ADGB: variants seen among roughly 807,000 people sequenced by gnomAD.
The protein encoded by ADGB is androglobin, also known as calpain-7-like protein.
In ADGB, 172 loss-of-function variants were observed where a neutral mutation model predicts 210.5. The ratio of observed to expected loss-of-function variants is 0.82; its 90% CI spans 0.72 to 0.93. ADGB has a LOEUF of 0.93. ADGB is among the 40% of genes least tolerant of loss of function. ADGB has a pLI of 0.00. For synonymous variants in ADGB, 658 were observed against 662.7 expected (o/e 0.99, Z 0.11); for missense variants, 2,025 against 1,964.8 (o/e 1.03, Z -0.58).
At chr6:146,715,308 CT>C in intron 13 of ADGB, 73 bp from the exon 14 acceptor site, 1 of 1,206,242 alleles carries the variant, frequency 8.3e-7, no homozygotes, top group Non-Finnish European at 1.2e-6. Flanking sequence ...TATATTAGCT[CT>C]TTTAGTAACT....
At chr6:146,650,835 C>T (rs1775691575) in intron 3 of ADGB, among the ~76,000 whole-genome samples, 1 of 152,018 alleles carries the variant, frequency 6.6e-6, no homozygotes, top group Admixed American at 6.6e-5. Context: ...CAAACTAATC[C>T]CTGAAAGGGG....
At chr6:146,620,015 C>T (rs1444906941) in intron 1 of ADGB, among the ~76,000 whole-genome samples, 1 of 152,034 alleles carries the variant, frequency 6.6e-6, no homozygotes, top group Non-Finnish European at 1.5e-5. Flanking sequence ...TTTATCTCTC[C>T]TTTGAGTTTG....
At chr6:146,784,353 A>G (rs1777842411) in intron 30 of ADGB, among the ~76,000 whole-genome samples, 1 of 152,154 alleles carries the variant, frequency 6.6e-6, no homozygotes, top group Non-Finnish European at 1.5e-5. Context: ...ATAGTTTATT[A>G]CTTTTTAATA....
chr6:146,768,862 G>A (rs184494138), intron 28 of ADGB, among the ~76,000 whole-genome samples, 158 bp from the exon 29 acceptor site: 296 of 152,228 alleles, frequency 1.9e-3, no homozygotes, highest in African/African-American at 6.3e-3. Flanking sequence ...AAAGTGTAGC[G>A]TTACAGAGTT....
intron 33 of ADGB, among the ~76,000 whole-genome samples, chr6:146,796,487 C>A (rs62434395): frequency 4.6e-5 from 7 of 152,122 alleles, no homozygotes; most frequent in Non-Finnish European, 4.4e-5. Context: ...CTATAGTTAC[C>A]AAAACAGCAT....
intron 27 of ADGB, among the ~76,000 whole-genome samples, chr6:146,759,233 G>A (rs1360737498): frequency 6.6e-6 from 1 of 151,668 alleles, no homozygotes; most frequent in Admixed American, 6.6e-5. Context: ...TTGCAAGGAT[G>A]CAGAAGTTCA....
chr6:146,792,149 A>G (rs185936173), intron 33 of ADGB, among the ~76,000 whole-genome samples: 1 of 151,918 alleles, frequency 6.6e-6, no homozygotes, highest in East Asian at 1.9e-4. Flanking sequence ...ATATGTTTTG[A>G]AGTCTGGTGA....
At chr6:146,783,356 T>G (rs1777828502) in intron 30 of ADGB, among the ~76,000 whole-genome samples, 1 of 152,038 alleles carries the variant, frequency 6.6e-6, no homozygotes, top group Admixed American at 6.6e-5. Context: ...TCCTATAGAT[T>G]TCAAAGATTT....
chr6:146,700,422 TA>T (rs1245065895), intron 12 of ADGB, among the ~76,000 whole-genome samples: 2 of 152,154 alleles, frequency 1.3e-5, no homozygotes, highest in Non-Finnish European at 2.9e-5. Context: ...ACTTAAAAAA[TA>T]CATATACTAC....
chr6:146,742,952 C>T (rs1777180847), intron 25 of ADGB, among the ~76,000 whole-genome samples: 7 of 152,134 alleles, frequency 4.6e-5, no homozygotes, highest in Admixed American at 4.6e-4. Context: ...CAAGACAATT[C>T]TTCCACTGTG....
At chr6:146,676,230 T>A in intron 8 of ADGB, 83 bp from the exon 9 acceptor site, 1 of 1,299,216 alleles carries the variant, frequency 7.7e-7, no homozygotes, top group Non-Finnish European at 1.0e-6. Flanking sequence ...TTTGGCCTTT[T>A]TTCTTTAAGA....
intron 4 of ADGB, among the ~76,000 whole-genome samples, chr6:146,654,702 T>C (rs183963718): frequency 6.6e-6 from 1 of 152,258 alleles, no homozygotes; most frequent in East Asian, 1.9e-4. Flanking sequence ...ATATACATTG[T>C]TAAATATTCA....
intron 26 of ADGB, among the ~76,000 whole-genome samples, chr6:146,751,019 T>G (rs1024096895): frequency 2.0e-5 from 3 of 152,254 alleles, no homozygotes; most frequent in Non-Finnish European, 4.4e-5. Flanking sequence ...GATGTGCAGG[T>G]TTGTTACATA....
rs558759510 is a variant in ADGB, at chr6:146,641,214, ACAT to A, written c.238-3554_238-3552del. Among the ~76,000 whole-genome samples the A allele has an allele frequency of 1.8e-4, 27 of 151,962 alleles. No individual in the cohort carries two copies. The South Asian group carries it at 5.4e-3, about 30-fold the overall frequency. On this transcript the variant is annotated intron_variant, in intron 2 of 35. Transcript: ENST00000397944. ...GAATTCAGCCAACCAGGGAAGTGAAACATCATCTATACAAGCAGAACTACAAAA... is the reference window on the plus strand; with the variant it reads ...GAATTCAGCCAACCAGGGAAGTGAAACATCTATACAAGCAGAACTACAAAA...
chr6:146,749,796 G>A lies in ADGB; in HGVS notation c.3366-2734G>A, dbSNP rs189985025. On this transcript the variant is annotated intron_variant, in intron 26 of 35. Transcript: ENST00000397944. The stretch of plus-strand genomic sequence containing the variant: ...CATGGCAGAAGACGAAAAGGAAGCA[G>A]GAAGAGTCTTCACATGGCAGAGCAG... Among the ~76,000 whole-genome samples, 82 of 152,190 alleles carry A rather than the reference G, an allele frequency of 5.4e-4. No homozygotes were observed. In the East Asian group the frequency reaches 0.015, roughly 27 times the overall value.
intron 23 of ADGB, among the ~76,000 whole-genome samples, chr6:146,738,753 C>T (rs927316338): frequency 4.6e-5 from 7 of 152,228 alleles, no homozygotes; most frequent in South Asian, 4.1e-4. Context: ...CCACTGCGCC[C>T]GGCCGAATCC....
chr6:146,766,430 A>AAAATT (rs71552958), intron 28 of ADGB, among the ~76,000 whole-genome samples: 32,272 of 139,238 alleles, frequency 0.23, 4,659 homozygotes, highest in African/African-American at 0.38. Flanking sequence ...CTGTCTCAGT[A>AAAATT]AAATTAAATT....
intron 9 of ADGB, among the ~76,000 whole-genome samples, chr6:146,677,913 G>A (rs567908186): frequency 6.6e-6 from 1 of 152,126 alleles, no homozygotes; most frequent in African/African-American, 2.4e-5. Flanking sequence ...AGCACTTGTT[G>A]GTAGAGCTAC....
At chr6:146,777,278 C>T (rs259411) in intron 29 of ADGB, among the ~76,000 whole-genome samples, 69,089 of 151,728 alleles carry the variant, frequency 0.46, 17,153 homozygotes, top group Admixed American at 0.59. Flanking sequence ...TATAACTTCT[C>T]TGAATATACC....
Sources: gnomAD v4.1 joint callset for allele counts (sites outside exome capture counted in the v4.1 genomes callset) on GRCh38, gnomAD v4.1.1 for gene constraint, MANE v1.5 for transcripts, NCBI Gene and HGNC (gene_info 2026-07-23, HGNC 2026-07-21) for gene names.